HDAC9: variants seen among roughly 807,000 people sequenced by gnomAD.
HDAC9 encodes the protein histone deacetylase 9.
In HDAC9, 41 loss-of-function variants were observed where a neutral mutation model predicts 139.4. The ratio of observed to expected loss-of-function variants is 0.29; its 90% CI spans 0.23 to 0.38. HDAC9 has a LOEUF of 0.38. HDAC9 is among the 10% of genes least tolerant of loss of function. The pLI, the probability that HDAC9 is intolerant of heterozygous loss-of-function variation, is 1.00. For missense variants in HDAC9, 1,147 were observed against 1,297.0 expected (o/e 0.88, Z 1.78); for synonymous variants, 517 against 476.2 (o/e 1.09, Z -1.12).
intron 1 of HDAC9, among the ~76,000 whole-genome samples, chr7:18,331,567 A>G (rs997019648): frequency 5.9e-5 from 9 of 151,594 alleles, no homozygotes; most frequent in African/African-American, 2.2e-4. Context: ...TTTTGTTTTC[A>G]TCAACCTCAA....
intron 22 of HDAC9, among the ~76,000 whole-genome samples, chr7:18,922,142 T>A (rs1332397761): frequency 6.6e-6 from 1 of 151,526 alleles, no homozygotes; most frequent in Non-Finnish European, 1.5e-5. Flanking sequence ...GACGAGTTAA[T>A]GGGTGCAGCA....
At chr7:18,698,149 A>T (rs2129102416) in intron 12 of HDAC9, among the ~76,000 whole-genome samples, 1 of 152,334 alleles carries the variant, frequency 6.6e-6, no homozygotes, top group Admixed American at 6.5e-5. Flanking sequence ...AGAATTTAAT[A>T]TAAGCTCAAT....
intron 2 of HDAC9, among the ~76,000 whole-genome samples, chr7:18,212,981 C>G (rs1792053904): frequency 6.6e-6 from 1 of 152,154 alleles, no homozygotes; most frequent in South Asian, 2.1e-4. Flanking sequence ...GTTATATGAG[C>G]CAGATGGCTT....
intron 2 of HDAC9, among the ~76,000 whole-genome samples, chr7:18,214,717 A>G (rs2128170973): frequency 6.6e-6 from 1 of 152,212 alleles, no homozygotes; most frequent in Non-Finnish European, 1.5e-5. Flanking sequence ...AAGCAAAATA[A>G]TACCTTTATG....
chr7:18,678,211 CTTAACA>C (rs746511151), intron 12 of HDAC9, among the ~76,000 whole-genome samples: 10 of 151,738 alleles, frequency 6.6e-5, no homozygotes, highest in Non-Finnish European at 1.3e-4. Context: ...TTTAGTAACT[CTTAACA>C]TTAAGTAGTT....
At chr7:18,091,407 G>A (rs1430249798) in intron 1 of HDAC9, among the ~76,000 whole-genome samples, 1 of 152,176 alleles carries the variant, frequency 6.6e-6, no homozygotes, top group African/African-American at 2.4e-5. Flanking sequence ...AGAAGGAGAT[G>A]GGTGTGGACT....
chr7:18,259,432 A>G (rs933084271), intron 2 of HDAC9, among the ~76,000 whole-genome samples: 3 of 152,134 alleles, frequency 2.0e-5, no homozygotes, highest in Non-Finnish European at 4.4e-5. Context: ...GTGCAGTCTC[A>G]GCTCACAGCA....
In HDAC9 at chr7:18,477,410, C is replaced by CGT. The variant is rs141824569; in HGVS notation, c.-41-18838_-41-18837dup. 3.4e-3 allele frequency among the ~76,000 whole-genome samples: 514 copies of CGT among 151,100 alleles called. 2 individuals are homozygous for CGT. Among genetic ancestry groups the CGT allele is most frequent in the African/African-American group, 0.01 (425 of 41,200 alleles). On this transcript the variant is annotated intron_variant, in intron 1 of 3. Coordinates refer to the HDAC9 transcript ENST00000413509. Reference sequence around the variant, plus strand: ...TTATGTGTGCGTGCGTGCGTGCATGCGTGTGTGTGTGTGTGAAACAAATAC... The same window carrying CGT: ...TTATGTGTGCGTGCGTGCGTGCATGCGTGTGTGTGTGTGTGTGAAACAAATAC...
intron 2 of HDAC9, among the ~76,000 whole-genome samples, chr7:18,583,774 T>A (rs1426379658): frequency 6.6e-6 from 1 of 152,102 alleles, no homozygotes; most frequent in Non-Finnish European, 1.5e-5. Context: ...TCTTTCAGTT[T>A]AATTTTCAGT....
At chr7:18,445,150 C>G (rs1792171604) in intron 1 of HDAC9, among the ~76,000 whole-genome samples, 1 of 152,128 alleles carries the variant, frequency 6.6e-6, no homozygotes, top group Admixed American at 6.6e-5. Flanking sequence ...TTGAATTACA[C>G]ATTTTCTTAA....
chr7:18,338,258 G>GT (rs753036546), intron 1 of HDAC9, among the ~76,000 whole-genome samples: 3 of 151,650 alleles, frequency 2.0e-5, no homozygotes, highest in Non-Finnish European at 4.4e-5. Context: ...GCAGTGGGTG[G>GT]TAAAGTACCA....
chr7:18,974,491 A>G (rs1273516968), intron 24 of HDAC9, among the ~76,000 whole-genome samples: 1 of 152,218 alleles, frequency 6.6e-6, no homozygotes, highest in Non-Finnish European at 1.5e-5. Flanking sequence ...GACATGTGGA[A>G]AAGCCTTAGC....
At chr7:18,614,501 A>T (rs1165363969) in intron 6 of HDAC9, among the ~76,000 whole-genome samples, 1 of 151,156 alleles carries the variant, frequency 6.6e-6, no homozygotes, top group Non-Finnish European at 1.5e-5. Context: ...TTTCAGATGT[A>T]TTTTTTTTTC....
At chr7:18,104,206 A>G (rs1017780863) in intron 1 of HDAC9, among the ~76,000 whole-genome samples, 2 of 151,960 alleles carry the variant, frequency 1.3e-5, no homozygotes, top group Non-Finnish European at 2.9e-5. Flanking sequence ...ATGAAATGAC[A>G]TTATTTGAGA....
intron 16 of HDAC9, 59 bp from the exon 17 acceptor site, chr7:18,793,286 C>A (rs1216900882): frequency 1.7e-6 from 2 of 1,202,822 alleles, no homozygotes; most frequent in East Asian, 2.5e-5. Flanking sequence ...CCCCTTTCAT[C>A]TCTTCCTTCT....
In HDAC9 at chr7:18,189,399, A is replaced by G. The variant is rs557407729; in HGVS notation, c.25+27050A>G. Among the ~76,000 whole-genome samples the G allele has an allele frequency of 3.9e-5, 6 of 152,202 alleles. No homozygotes were observed. In the South Asian group the frequency reaches 1.2e-3, roughly 32 times the overall value. ...GACAGGTCAATAGGTGCAGCAAACC[A>G]CCATGGCACATATATACCTATGTGA... On this transcript the variant is annotated intron_variant, in intron 2 of 12. Coordinates refer to the HDAC9 transcript ENST00000417496.
At position 18,682,636 on chromosome 7, in the gene HDAC9, G is replaced by A. The variant is rs139481608; in HGVS notation, c.1731+16160G>A. On this transcript the variant is annotated intron_variant, in intron 12 of 25. Transcript: ENST00000686413. The stretch of plus-strand genomic sequence containing the variant: ...TATAAAGGTCTTTTTTTTCACTATT[G>A]ATGTTTTGTTGAAAATGTTATAAAG... 8.8e-4 allele frequency among the ~76,000 whole-genome samples: 133 copies of A among 151,696 alleles called. 1 individual carries two copies. The highest frequency in any genetic ancestry group is 3.1e-3 in the African/African-American group (129 of 41,424).
intron 6 of HDAC9, among the ~76,000 whole-genome samples, chr7:18,609,024 T>C (rs1443698814): frequency 1.3e-5 from 2 of 152,176 alleles, no homozygotes; most frequent in African/African-American, 2.4e-5. Flanking sequence ...TTTTTTTGGT[T>C]GTAAGCCTTC....
intron 1 of HDAC9, among the ~76,000 whole-genome samples, chr7:18,291,951 A>G (rs373062852): frequency 2.0e-4 from 30 of 152,226 alleles, no homozygotes; most frequent in African/African-American, 6.5e-4. Context: ...GTTGGGCCTT[A>G]GAGGCTGCCT....
Sources: gnomAD v4.1 joint callset for allele counts (sites outside exome capture counted in the v4.1 genomes callset) on GRCh38, gnomAD v4.1.1 for gene constraint, MANE v1.5 for transcripts, NCBI Gene and HGNC (gene_info 2026-07-23, HGNC 2026-07-21) for gene names.